Variants in ACACA observed in about 807,000 individuals in gnomAD.
ACACA encodes acetyl-CoA carboxylase 1.
Under a neutral mutation model 296.1 loss-of-function variants are expected in ACACA, and 103 were observed. That is an observed-to-expected ratio of 0.35 (90% CI 0.30 to 0.41). ACACA has a LOEUF of 0.41. ACACA is among the 10% of genes least tolerant of loss of function. The pLI is 1.00. For missense variants in ACACA, 1,554 were observed against 2,989.7 expected, an observed-to-expected ratio of 0.52 and a Z score of 11.20; for synonymous variants, 953 against 1,038.6, an observed-to-expected ratio of 0.92 and a Z score of 1.58.
intron 43 of ACACA, 48 bp downstream of exon 43, chr17:37,155,635 C>A (rs762451836): frequency 1.6e-6 from 2 of 1,252,854 alleles, no homozygotes; most frequent in South Asian, 1.2e-5. Context: ...ATACCATATT[C>A]TCCTTTCTTT....
At chr17:37,163,414 C>A (rs538989445) in intron 41 of ACACA, among the ~76,000 whole-genome samples, 1 of 152,082 alleles carries the variant, frequency 6.6e-6, no homozygotes, top group Non-Finnish European at 1.5e-5. Flanking sequence ...AAATAAACAT[C>A]TTTTCTTTAT....
intron 1 of ACACA, among the ~76,000 whole-genome samples, chr17:37,381,844 G>A (rs1011984349): frequency 3.3e-5 from 5 of 151,662 alleles, no homozygotes; most frequent in African/African-American, 9.7e-5. Flanking sequence ...GGCCAGGATG[G>A]TCTCGATCGC....
Position 37,155,766 on chromosome 17 carries a change from T to C in ACACA, c.5364A>G (p.Leu1788=). Residue 1788 remains leucine (L), a synonymous_variant, in exon 43 of 56, where the codon TTA becomes TTG. Transcript: ENST00000616317. ...PEDPYKGYRY[L]YLTPQDYKRV... is the part of the protein sequence containing the mutation. ...TCTTATAATCTTGAGGAGTCAGATA[T>C]AAATACCTGTATCCCTGTGAAGCAC... The C allele has an allele frequency of 6.2e-7, 1 of 1,604,488 alleles. No individual in the cohort carries two copies. The highest frequency in any genetic ancestry group is 8.5e-7 in the Non-Finnish European group (1 of 1,173,132).
intron 1 of ACACA, among the ~76,000 whole-genome samples, chr17:37,398,905 G>A (rs1191121729): frequency 6.7e-6 from 1 of 148,334 alleles, no homozygotes; most frequent in African/African-American, 2.5e-5. Flanking sequence ...CTTATGAAAC[G>A]CTTATGAATT....
chr17:37,173,676 C>T (rs2076958511), intron 41 of ACACA, among the ~76,000 whole-genome samples: 1 of 151,824 alleles, frequency 6.6e-6, no homozygotes, highest in Non-Finnish European at 1.5e-5. Context: ...ACATTGCCAA[C>T]AATTAAAACA....
At chr17:37,217,736 A>G (rs2079080620) in intron 29 of ACACA, among the ~76,000 whole-genome samples, 1 of 40,700 alleles carries the variant, frequency 2.5e-5, no homozygotes, top group African/African-American at 1.0e-4. Context: ...CTCCATCTCA[A>G]AAAAAAAAAA....
chr17:37,367,791 G>C (rs2049658450), intron 1 of ACACA: 1 of 152,154 alleles, frequency 6.6e-6, no homozygotes, highest in South Asian at 2.1e-4. Flanking sequence ...GTGATTGCTG[G>C]GCACAGTGGT....
chr17:37,171,340 G>A (rs1378503679), intron 41 of ACACA, among the ~76,000 whole-genome samples: 1 of 152,100 alleles, frequency 6.6e-6, no homozygotes, highest in Non-Finnish European at 1.5e-5. Flanking sequence ...AAGATCCAGA[G>A]AGCAGGAATC....
At chr17:37,202,188 C>T (rs898981781) in intron 33 of ACACA, among the ~76,000 whole-genome samples, 2 of 152,088 alleles carry the variant, frequency 1.3e-5, no homozygotes, top group African/African-American at 4.8e-5. Flanking sequence ...CAGTCAAGTC[C>T]TTCAAAGACA....
intron 42 of ACACA, among the ~76,000 whole-genome samples, chr17:37,157,206 TA>T (rs1367169338): frequency 2.6e-5 from 4 of 152,190 alleles, no homozygotes; most frequent in Non-Finnish European, 4.4e-5. Context: ...AGTAAAGACC[TA>T]AAGGAGCTGA....
At position 37,252,034 on chromosome 17, in the gene ACACA, G is replaced by A. The variant is rs766807981; in HGVS notation, c.2052C>T (p.Ser684=). The part of the protein sequence containing the change: ...LHVADVSLRN[S]VSNFLHSLER... The stretch of plus-strand genomic sequence containing the variant: ...CTAAGGAGTGAAGGAAGTTAGAGAC[G>A]CTATTCCGCAGGCTCACATCTGCCA... The change falls in exon 16 of 56, where the codon AGC becomes AGT. Residue 684 remains serine (S), a synonymous_variant. Transcript: ENST00000616317. The A allele has an allele frequency of 1.5e-5, 24 of 1,614,052 alleles. No individual in the cohort carries two copies. Among genetic ancestry groups the A allele is most frequent in the East Asian group, 2.2e-5 (1 of 44,904 alleles).
At chr17:37,201,083 A>G (rs932816814) in intron 33 of ACACA, among the ~76,000 whole-genome samples, 2 of 152,212 alleles carry the variant, frequency 1.3e-5, no homozygotes, top group East Asian at 3.8e-4. Context: ...GCAATATTTA[A>G]TAGGCCTTTA....
At chr17:37,178,764 G>A (rs2077211175) in intron 41 of ACACA, among the ~76,000 whole-genome samples, 1 of 152,108 alleles carries the variant, frequency 6.6e-6, no homozygotes, top group Non-Finnish European at 1.5e-5. Flanking sequence ...TTGAGCCACT[G>A]CACTCCAGCC....
At chr17:37,098,047 C>T (rs1597806377) in intron 52 of ACACA, 63 bp from the exon 53 acceptor site, 1 of 1,605,986 alleles carries the variant, frequency 6.2e-7, no homozygotes, top group Non-Finnish European at 8.5e-7. Flanking sequence ...TGCACAAAAG[C>T]AGCCACAATC....
In ACACA at chr17:37,096,085, G is replaced by A. The variant is rs1308126769; in HGVS notation, c.6891+911C>T. Among the ~76,000 whole-genome samples, 3 of 152,302 alleles carry A rather than the reference G, an allele frequency of 2.0e-5. No homozygotes were observed. In the East Asian group the frequency reaches 5.8e-4, roughly 29 times the overall value. On this transcript the variant is annotated intron_variant, in intron 54 of 55. Coordinates refer to ENST00000616317, the MANE Select transcript of ACACA (RefSeq NM_198834.3). ...TCCTTCCATCTCTGATTGGAAGTAG[G>A]CAGCTCTTTAGTTGTAGTCATGGCA...
chr17:37,227,878 A>AG (rs1555606428), intron 25 of ACACA, among the ~76,000 whole-genome samples: 1 of 148,136 alleles, frequency 6.8e-6, no homozygotes, highest in Non-Finnish European at 1.5e-5. Context: ...AAAAAAAAAA[A>AG]TTTTTTTTAA....
intron 5 of ACACA, among the ~76,000 whole-genome samples, chr17:37,282,326 G>A (rs549421942): frequency 1.1e-4 from 16 of 152,308 alleles, no homozygotes; most frequent in Non-Finnish European, 1.8e-4. Flanking sequence ...CTCCCCAGAA[G>A]CAGAGCAGAT....
intron 1 of ACACA, among the ~76,000 whole-genome samples, chr17:37,391,418 C>A (rs2050879840): frequency 1.3e-5 from 2 of 152,102 alleles, no homozygotes; most frequent in Non-Finnish European, 1.5e-5. Flanking sequence ...TGATCCAGAT[C>A]TTTTAATTAC....
chr17:37,276,927 G>A (rs1359717541), intron 7 of ACACA, 106 bp downstream of exon 7: 5 of 947,106 alleles, frequency 5.3e-6, no homozygotes, highest in African/African-American at 1.6e-5. Flanking sequence ...AAAAAAGAGA[G>A]AGAGAGCCCA....
Sources: gnomAD v4.1 joint callset for allele counts (sites outside exome capture counted in the v4.1 genomes callset) on GRCh38, gnomAD v4.1.1 for gene constraint, MANE v1.5 for transcripts, NCBI Gene and HGNC (gene_info 2026-07-23, HGNC 2026-07-21) for gene names.